Variants in SNX25 observed in about 807,000 individuals in gnomAD.
SNX25 encodes sorting nexin-25.
In SNX25, 62 loss-of-function variants were observed where a neutral mutation model predicts 113.7. The observed-to-expected ratio is 0.55, with a 90% CI of 0.44 to 0.67. The LOEUF is 0.67. Among genes scored for constraint, SNX25 ranks in the 30% least tolerant of loss-of-function variants. SNX25 has a pLI of 0.00. For missense variants in SNX25, 1,014 were observed against 1,161.0 expected (o/e 0.87, Z 1.84); for synonymous variants, 421 against 436.2 (o/e 0.97, Z 0.43).
At position 185,342,040 on chromosome 4, in the gene SNX25, G is replaced by T. The variant is rs761236582; in HGVS notation, c.2111G>T (p.Gly704Val). 2 of 1,611,632 alleles carry T rather than the reference G, an allele frequency of 1.2e-6. No individual in the cohort carries two copies. The highest frequency in any genetic ancestry group is 3.4e-5 in the Admixed American group (2 of 59,620). ...GTCATGGTAAGCCTACAAGAAGTTG[G>T]AGGAGTTGAAACTAAGAACTGGACG... ...YFVMVSLQEV[G>V]GVETKNWTVP... Residue 704 changes from glycine (G) to valine (V), a missense_variant, in exon 12 of 19, where the codon GGA (glycine) becomes GTA (valine). By Grantham distance (109) the Gly-to-Val change is moderately radical. Coordinates refer to ENST00000652585, the MANE Select transcript of SNX25 (RefSeq NM_001378034.2).
chr4:185,234,681 C>CAAAAAAAAAAAAAAAAAAA (rs369613640), intron 1 of SNX25, among the ~76,000 whole-genome samples: 2 of 16,172 alleles, frequency 1.2e-4, no homozygotes, highest in African/African-American at 4.1e-4. Context: ...GACTCTGTCT[C>CAAAAAAAAAAAAAAAAAAA]AAAAAAAAAA....
intron 9 of SNX25, among the ~76,000 whole-genome samples, chr4:185,330,576 G>A (rs1212163202): frequency 6.6e-6 from 1 of 152,142 alleles, no homozygotes; most frequent in Non-Finnish European, 1.5e-5. Flanking sequence ...CTTATTTACT[G>A]TTAGTGACCC....
chr4:185,222,300 T>C (rs1560901698), intron 1 of SNX25, among the ~76,000 whole-genome samples: 1 of 149,816 alleles, frequency 6.7e-6, no homozygotes, highest in East Asian at 2.0e-4. Flanking sequence ...TACAGCACCA[T>C]ATACTCCTCG....
chr4:185,264,328 G>A, intron 3 of SNX25, 110 bp from the exon 4 acceptor site: 1 of 1,019,312 alleles, frequency 9.8e-7, no homozygotes, highest in Non-Finnish European at 1.4e-6. Context: ...TTAGGAGATG[G>A]CAGTTACTAT....
intron 7 of SNX25, 47 bp from the exon 8 acceptor site, chr4:185,320,686 A>G: frequency 7.3e-7 from 1 of 1,372,326 alleles, no homozygotes; most frequent in Non-Finnish European, 9.6e-7. Context: ...GCAAACTGAC[A>G]TTTAAAATTC....
chr4:185,347,037 C>T (rs963148700), intron 13 of SNX25, among the ~76,000 whole-genome samples: 1 of 152,194 alleles, frequency 6.6e-6, no homozygotes, highest in African/African-American at 2.4e-5. Flanking sequence ...TGAATTCCTT[C>T]GTTTCTGACT....
chr4:185,360,930 A>AATATATATATATATATATATATAT lies in SNX25; in HGVS notation c.2652-971_2652-970insTATATATATATATATATATATATA, dbSNP rs3047488. Among the ~76,000 whole-genome samples, 92 of 139,582 alleles carry AATATATATATATATATATATATAT rather than the reference A, an allele frequency of 6.6e-4. 1 individual carries two copies. The highest frequency in any genetic ancestry group is 2.4e-3 in the African/African-American group (87 of 36,660). 91.6% of individuals were successfully genotyped at this position (139,582 alleles called of 152,430 possible). On this transcript the variant is annotated intron_variant, in intron 16 of 18. Coordinates refer to ENST00000652585, the MANE Select transcript of SNX25 (RefSeq NM_001378034.2). The stretch of plus-strand genomic sequence containing the variant: ...CGAGACTCCGTCTCAAAAAAAAAAT[A>AATATATATATATATATATATATAT]ATATATATATATATATATATATAGA...
chr4:185,264,214 G>A (rs76753620), intron 3 of SNX25, among the ~76,000 whole-genome samples: 2,325 of 152,234 alleles, frequency 0.015, 65 homozygotes, highest in African/African-American at 0.054. Flanking sequence ...TGCTACTGAA[G>A]TTCGTTGTTA....
chr4:185,246,260 C>T lies in SNX25; in HGVS notation c.430-1034C>T, dbSNP rs922510353. Among the ~76,000 whole-genome samples the T allele has an allele frequency of 3.3e-5, 5 of 152,142 alleles. No individual in the cohort carries two copies. The East Asian group carries it at 7.7e-4, about 23-fold the overall frequency. On this transcript the variant is annotated intron_variant, in intron 1 of 18. Coordinates refer to ENST00000652585, the MANE Select transcript of SNX25 (RefSeq NM_001378034.2). ...AGTGGTTGCAGTGAGCACCACAGCA[C>T]TCCAGCCTGGGCAACATGTGAGACT...
intron 6 of SNX25, among the ~76,000 whole-genome samples, chr4:185,305,873 C>T (rs547810982): frequency 1.1e-4 from 16 of 152,212 alleles, no homozygotes; most frequent in Admixed American, 3.9e-4. Context: ...AAAGTAATGG[C>T]GAAACCCGTG....
intron 10 of SNX25, among the ~76,000 whole-genome samples, chr4:185,333,888 A>T (rs1033293015): frequency 6.8e-6 from 1 of 146,768 alleles, no homozygotes; most frequent in Non-Finnish European, 1.5e-5. Flanking sequence ...TAGTAAAAAT[A>T]AAAAAAAAAA....
intron 1 of SNX25, among the ~76,000 whole-genome samples, chr4:185,240,945 C>T (rs535135256): frequency 1.4e-3 from 206 of 150,868 alleles, no homozygotes; most frequent in Non-Finnish European, 2.4e-3. Flanking sequence ...ATGCTTCTCA[C>T]TTCCTAGATG....
the SNX25 span, among the ~76,000 whole-genome samples, chr4:185,376,567 TAC>T: frequency 6.6e-6 from 1 of 151,984 alleles, no homozygotes; most frequent in Non-Finnish European, 1.5e-5. Flanking sequence ...GTACTGGGAT[TAC>T]AGGCGTGAGC....
At chr4:185,362,247 G>A (rs916518075) in intron 17 of SNX25, 142 bp downstream of exon 17, 48 of 1,375,954 alleles carry the variant, frequency 3.5e-5, no homozygotes, top group Non-Finnish European at 4.5e-5. Context: ...GCCATTTTTT[G>A]TCACTTGCTA....
intron 7 of SNX25, among the ~76,000 whole-genome samples, chr4:185,311,570 C>T (rs1436055400): frequency 6.6e-6 from 1 of 152,214 alleles, no homozygotes; most frequent in East Asian, 1.9e-4. Flanking sequence ...GTGGAAGGAA[C>T]AGGACCTCAA....
intron 5 of SNX25, among the ~76,000 whole-genome samples, chr4:185,287,013 A>G (rs1342121060): frequency 1.3e-5 from 2 of 152,190 alleles, no homozygotes; most frequent in Non-Finnish European, 2.9e-5. Context: ...AGTAAGAATT[A>G]ATGTTAAAGA....
At position 185,246,251 on chromosome 4, in the gene SNX25, A is replaced by C. The variant is rs374957336; in HGVS notation, c.430-1043A>C. Reference sequence around the variant, plus strand: ...AGTGAGCTGAGTGGTTGCAGTGAGCACCACAGCACTCCAGCCTGGGCAACA... The same window carrying C: ...AGTGAGCTGAGTGGTTGCAGTGAGCCCCACAGCACTCCAGCCTGGGCAACA... On this transcript the variant is annotated intron_variant, in intron 1 of 18. Transcript: ENST00000652585. 5.9e-5 allele frequency among the ~76,000 whole-genome samples: 9 copies of C among 152,270 alleles called. No individual in the cohort carries two copies. The East Asian group carries it at 1.2e-3, about 20-fold the overall frequency.
chr4:185,235,451 G>A (rs6854483), intron 1 of SNX25, among the ~76,000 whole-genome samples: 1 of 152,012 alleles, frequency 6.6e-6, no homozygotes, highest in South Asian at 2.1e-4. Context: ...CAAGGGACAT[G>A]GTTTAGGGTT....
chr4:185,304,195 G>A (rs183176847), intron 6 of SNX25, among the ~76,000 whole-genome samples: 37 of 152,208 alleles, frequency 2.4e-4, no homozygotes, highest in Middle Eastern at 6.8e-3. Context: ...ACCCAGGCTG[G>A]AACATAGAGA....
Sources: gnomAD v4.1 joint callset for allele counts (sites outside exome capture counted in the v4.1 genomes callset) on GRCh38, gnomAD v4.1.1 for gene constraint, MANE v1.5 for transcripts, NCBI Gene and HGNC (gene_info 2026-07-23, HGNC 2026-07-21) for gene names.